Variants in IL1RAPL2 observed in about 807,000 individuals in gnomAD.
IL1RAPL2 encodes interleukin 1 receptor accessory protein like 2.
IL1RAPL2 carries 3 observed loss-of-function variants against 44.1 expected under a neutral mutation model. The ratio of observed to expected loss-of-function variants is 0.07; its 90% CI spans 0.03 to 0.18. The LOEUF (loss-of-function observed/expected upper bound fraction) is 0.18. Among genes scored for constraint, IL1RAPL2 ranks in the 10% least tolerant of loss-of-function variants. The pLI is 1.00. For missense variants in IL1RAPL2, 391 were observed against 496.4 expected (o/e 0.79, Z 2.02); for synonymous variants, 181 against 178.8 (o/e 1.01, Z -0.10).
At chrX:104,635,077 G>T (rs1394214629) in intron 1 of IL1RAPL2, among the ~76,000 whole-genome samples, 2 of 110,966 alleles carry the variant, frequency 1.8e-5, no homozygotes, top group East Asian at 2.8e-4. Context: ...GTCTGTAAAG[G>T]ATTTTATTTC....
intron 1 of IL1RAPL2, among the ~76,000 whole-genome samples, chrX:104,608,431 G>A (rs186933753): frequency 9.0e-6 from 1 of 110,622 alleles, no homozygotes; most frequent in African/African-American, 3.3e-5. Context: ...GTTGACAATG[G>A]GGTGTTAAAG....
intron 5 of IL1RAPL2, among the ~76,000 whole-genome samples, chrX:105,451,567 C>T (rs185920726): frequency 3.6e-5 from 4 of 111,640 alleles, no homozygotes; most frequent in African/African-American, 1.3e-4. Context: ...ATCTCTTAGC[C>T]TTCTTAGTAA....
chrX:105,487,808 G>C (rs908122936), intron 6 of IL1RAPL2, among the ~76,000 whole-genome samples: 1 of 112,009 alleles, frequency 8.9e-6, no homozygotes, highest in African/African-American at 3.2e-5. Context: ...TCAGAATCAT[G>C]AGGCATTAGA....
chrX:104,878,032 T>C (rs1467189292), intron 2 of IL1RAPL2, among the ~76,000 whole-genome samples: 1 of 112,035 alleles, frequency 8.9e-6, no homozygotes, highest in Non-Finnish European at 1.9e-5. Flanking sequence ...CACAGATATC[T>C]CTCTGCCAAG....
chrX:104,792,449 A>T (rs1932830931), intron 2 of IL1RAPL2, among the ~76,000 whole-genome samples: 1 of 111,002 alleles, frequency 9.0e-6, no homozygotes, highest in African/African-American at 3.3e-5. Flanking sequence ...AGGTCAAATA[A>T]GTTTGGGAAA....
chrX:105,621,461 G>A (rs957834623), intron 6 of IL1RAPL2, among the ~76,000 whole-genome samples: 9 of 111,507 alleles, frequency 8.1e-5, no homozygotes, highest in Non-Finnish European at 1.5e-4. Context: ...AAGGCATTGC[G>A]ACAAGCTTGT....
intron 5 of IL1RAPL2, among the ~76,000 whole-genome samples, chrX:105,395,798 A>G (rs1438431927): frequency 8.9e-6 from 1 of 111,893 alleles, no homozygotes; most frequent in Non-Finnish European, 1.9e-5. Context: ...TCTCTTCTCT[A>G]TACAGCCAAA....
At chrX:104,763,539 T>G (rs1246896420) in intron 2 of IL1RAPL2, among the ~76,000 whole-genome samples, 2 of 111,797 alleles carry the variant, frequency 1.8e-5, no homozygotes, top group African/African-American at 6.5e-5. Flanking sequence ...CAATACCAAA[T>G]TACTGTATTA....
intron 6 of IL1RAPL2, among the ~76,000 whole-genome samples, chrX:105,622,019 C>T (rs2037421729): frequency 9.1e-6 from 1 of 109,947 alleles, no homozygotes; most frequent in African/African-American, 3.3e-5. Context: ...GCACTTACTC[C>T]TCTTCTGTCA....
At chrX:105,365,572 C>T (rs764135021) in intron 5 of IL1RAPL2, among the ~76,000 whole-genome samples, 12 of 110,953 alleles carry the variant, frequency 1.1e-4, no homozygotes, top group Admixed American at 3.9e-4. Flanking sequence ...ATTCAATATC[C>T]GTACTCAGTA....
intron 5 of IL1RAPL2, among the ~76,000 whole-genome samples, chrX:105,273,448 T>C (rs2034462711): frequency 9.0e-6 from 1 of 111,438 alleles, no homozygotes; most frequent in Non-Finnish European, 1.9e-5. Flanking sequence ...AATATTACTC[T>C]AACTTTCTCT....
At chrX:104,944,070 GGTGT>G (rs1336274196) in intron 2 of IL1RAPL2, among the ~76,000 whole-genome samples, 1 of 111,461 alleles carries the variant, frequency 9.0e-6, no homozygotes, top group Non-Finnish European at 1.9e-5. Context: ...TAGGATGTGT[GGTGT>G]GTGTTTTCTG....
intron 2 of IL1RAPL2, among the ~76,000 whole-genome samples, chrX:104,964,176 GA>G (rs1202950661): frequency 1.8e-5 from 2 of 110,858 alleles, no homozygotes; most frequent in Non-Finnish European, 3.8e-5. Context: ...AAGCTTCAGA[GA>G]AAAAAATCTC....
At chrX:105,117,412 GAAAC>G (rs1196761850) in intron 2 of IL1RAPL2, among the ~76,000 whole-genome samples, 4 of 111,917 alleles carry the variant, frequency 3.6e-5, no homozygotes, top group East Asian at 5.6e-4. Flanking sequence ...TTTAACCACT[GAAAC>G]AAACAAGTTG....
intron 6 of IL1RAPL2, among the ~76,000 whole-genome samples, chrX:105,700,779 T>C (rs1218165214): frequency 8.9e-6 from 1 of 111,893 alleles, no homozygotes; most frequent in Non-Finnish European, 1.9e-5. Flanking sequence ...TAGAGAAATA[T>C]GATAAAGATC....
intron 5 of IL1RAPL2, among the ~76,000 whole-genome samples, chrX:105,386,471 ATATACATTTATATG>A (rs1245829452): frequency 9.0e-6 from 1 of 111,402 alleles, no homozygotes; most frequent in Middle Eastern, 4.7e-3. Context: ...GGCATCATTT[ATATACATTTATATG>A]TATACATTTA....
intron 9 of IL1RAPL2, among the ~76,000 whole-genome samples, chrX:105,753,959 C>A (rs1314362118): frequency 1.8e-5 from 2 of 111,797 alleles, no homozygotes; most frequent in Non-Finnish European, 3.8e-5. Context: ...TACAGCACAT[C>A]ATATGTCTAT....
chrX:105,060,589 T>TTC lies in IL1RAPL2; in HGVS notation c.83-134885_83-134884insCT, dbSNP rs200223924. Among the ~76,000 whole-genome samples, 549 of 104,967 alleles carry TTC rather than the reference T, an allele frequency of 5.2e-3. 6 individuals are homozygous for TTC. Among genetic ancestry groups the TTC allele is most frequent in the African/African-American group, 0.018 (521 of 28,329 alleles). 91.2% of individuals were successfully genotyped at this position (104,967 alleles called of 115,157 possible). ...TTTTCTATTCTTTTTCTTTTTCTTT[T>TTC]TTTTTTTTTTTTTTGATATGTCTTT... On this transcript the variant is annotated intron_variant, in intron 2 of 10. Transcript: ENST00000372582.
chrX:105,242,750 G>C (rs1444699682), intron 4 of IL1RAPL2, among the ~76,000 whole-genome samples: 1 of 111,692 alleles, frequency 9.0e-6, no homozygotes, highest in African/African-American at 3.3e-5. Flanking sequence ...TCTCATGAAA[G>C]TTCCATCAAG....
Sources: gnomAD v4.1 joint callset for allele counts (sites outside exome capture counted in the v4.1 genomes callset) on GRCh38, gnomAD v4.1.1 for gene constraint, MANE v1.5 for transcripts, NCBI Gene and HGNC (gene_info 2026-07-23, HGNC 2026-07-21) for gene names.